The following GRIP1 variants were observed in gnomAD, a reference collection of about 807,000 sequenced individuals.
GRIP1 encodes the protein glutamate receptor interacting protein 1.
Under a neutral mutation model 129.9 loss-of-function variants are expected in GRIP1, and 45 were observed. The ratio of observed to expected loss-of-function variants is 0.35; its 90% CI spans 0.27 to 0.44. GRIP1 has a LOEUF of 0.44. GRIP1 is among the 20% of genes least tolerant of loss of function. The probability of loss-of-function intolerance (pLI) is 1.00; values close to 1 mark genes in which losing one functional copy is unlikely to be tolerated. For missense variants in GRIP1, 1,196 were observed against 1,396.8 expected, an observed-to-expected ratio of 0.86 and a Z score of 2.29; for synonymous variants, 530 against 520.8, an observed-to-expected ratio of 1.02 and a Z score of -0.24.
intron 1 of GRIP1, among the ~76,000 whole-genome samples, chr12:66,787,492 A>G (rs2136831338): frequency 6.6e-6 from 1 of 152,266 alleles, no homozygotes; most frequent in East Asian, 1.9e-4. Context: ...GCAAATTCAT[A>G]TGCTGAAATC....
intron 5 of GRIP1, among the ~76,000 whole-genome samples, chr12:66,521,105 A>G (rs745808314): frequency 1.3e-5 from 2 of 152,196 alleles, no homozygotes; most frequent in East Asian, 1.9e-4. Context: ...AAACCTCTCA[A>G]TGAGTTCCTA....
At chr12:66,449,686 A>G (rs1319270398) in intron 11 of GRIP1, among the ~76,000 whole-genome samples, 1 of 152,192 alleles carries the variant, frequency 6.6e-6, no homozygotes, top group Non-Finnish European at 1.5e-5. Context: ...AATTTTTGCT[A>G]TCAGTGGCAC....
intron 1 of GRIP1, among the ~76,000 whole-genome samples, chr12:66,987,552 G>C (rs753701870): frequency 2.0e-5 from 3 of 152,192 alleles, no homozygotes; most frequent in Non-Finnish European, 2.9e-5. Flanking sequence ...TAAAGGAACA[G>C]AGATATGTCT....
chr12:66,781,584 T>C (rs2038161792), intron 1 of GRIP1, among the ~76,000 whole-genome samples: 1 of 152,166 alleles, frequency 6.6e-6, no homozygotes, highest in South Asian at 2.1e-4. Flanking sequence ...AATTTTAGAA[T>C]TTTTTTCATC....
chr12:66,414,178 C>A (rs1165081332), intron 15 of GRIP1, among the ~76,000 whole-genome samples: 3 of 151,944 alleles, frequency 2.0e-5, no homozygotes, highest in Non-Finnish European at 4.4e-5. Flanking sequence ...ATGACATGAT[C>A]CTATATCTAG....
intron 1 of GRIP1, among the ~76,000 whole-genome samples, chr12:66,657,245 GAGA>G (rs1420246712): frequency 1.3e-5 from 2 of 151,850 alleles, no homozygotes; most frequent in Non-Finnish European, 2.9e-5. Flanking sequence ...AGATGATGAT[GAGA>G]AGTAGCTGTC....
chr12:66,537,985 C>G (rs2061656730), intron 4 of GRIP1, among the ~76,000 whole-genome samples: 1 of 152,138 alleles, frequency 6.6e-6, no homozygotes, highest in Non-Finnish European at 1.5e-5. Context: ...TCAGTTACCT[C>G]CAATTAACTG....
chr12:66,938,927 C>G (rs2137437527), intron 1 of GRIP1, among the ~76,000 whole-genome samples: 1 of 151,966 alleles, frequency 6.6e-6, no homozygotes, highest in South Asian at 2.1e-4. Context: ...ATTGCACTCC[C>G]ACCTGGGCAA....
intron 1 of GRIP1, among the ~76,000 whole-genome samples, chr12:66,826,369 T>G (rs2039413496): frequency 6.6e-6 from 1 of 151,946 alleles, no homozygotes; most frequent in Middle Eastern, 3.2e-3. Context: ...GGTTGATGGG[T>G]GCAGCAAACC....
chr12:66,720,226 T>C (rs947541319), intron 1 of GRIP1, among the ~76,000 whole-genome samples: 2 of 152,180 alleles, frequency 1.3e-5, no homozygotes, highest in Non-Finnish European at 2.9e-5. Context: ...TACACTGTAG[T>C]CTATTAAGTG....
chr12:67,012,484 C>A (rs1034547395), intron 1 of GRIP1, among the ~76,000 whole-genome samples: 1 of 152,116 alleles, frequency 6.6e-6, no homozygotes, highest in Non-Finnish European at 1.5e-5. Context: ...GCCTTCCAAT[C>A]TTAGGTTTCT....
chr12:66,476,265 G>A (rs2059606749), intron 7 of GRIP1, among the ~76,000 whole-genome samples: 1 of 152,168 alleles, frequency 6.6e-6, no homozygotes, highest in African/African-American at 2.4e-5. Flanking sequence ...AGAAAATCTA[G>A]AAGAAATCCA....
At chr12:66,437,086 T>C (rs2058332661) in intron 13 of GRIP1, among the ~76,000 whole-genome samples, 1 of 152,108 alleles carries the variant, frequency 6.6e-6, no homozygotes. Context: ...ATAGAGGAAT[T>C]TGTCTCTGAG....
intron 1 of GRIP1, among the ~76,000 whole-genome samples, chr12:67,019,307 G>A (rs147517036): frequency 1.3e-5 from 2 of 152,174 alleles, no homozygotes; most frequent in Non-Finnish European, 2.9e-5. Context: ...GACCTCAGGA[G>A]GCCTGCATGG....
chr12:66,679,244 C>T (rs1209371522), upstream of GRIP1: 2 of 763,544 alleles, frequency 2.6e-6, no homozygotes. Context: ...AAATCTAACG[C>T]TAAGCACTGA....
chr12:66,527,703 C>G (rs1275491257), intron 5 of GRIP1, among the ~76,000 whole-genome samples: 1 of 151,860 alleles, frequency 6.6e-6, no homozygotes, highest in Non-Finnish European at 1.5e-5. Context: ...AAATTTCTGA[C>G]TGTGGAAAAC....
At chr12:66,842,801 T>C (rs1393737044) in intron 1 of GRIP1, among the ~76,000 whole-genome samples, 1 of 152,116 alleles carries the variant, frequency 6.6e-6, no homozygotes, top group South Asian at 2.1e-4. Flanking sequence ...TTTTTGAGTT[T>C]AGGGTCAAAG....
At chr12:66,782,282 T>A (rs2038186665) in intron 1 of GRIP1, among the ~76,000 whole-genome samples, 1 of 152,160 alleles carries the variant, frequency 6.6e-6, no homozygotes, top group Non-Finnish European at 1.5e-5. Context: ...GAGATCGGAT[T>A]TTCAAGCCCT....
In GRIP1 at chr12:66,394,148, T is replaced by C. The variant is rs761768605; in HGVS notation, c.2129+60A>G. 4.0e-5 allele frequency: 58 copies of C among 1,463,298 alleles called. No individual in the cohort carries two copies. The African/African-American group carries it at 6.4e-4, about 16-fold the overall frequency. The allele number at this position is 1,463,298 out of a possible 1,614,324, so 90.6% of individuals were successfully genotyped here. On this transcript the variant is annotated intron_variant, in intron 17 of 24. Coordinates refer to ENST00000359742, the MANE Select transcript of GRIP1 (RefSeq NM_001366722.1). ...GAGAGAGGAGCATGTTTTTATGTGG[T>C]TGTGAGGAAGGAAGCCCGTCTCAGA...
Sources: gnomAD v4.1 joint callset for allele counts (sites outside exome capture counted in the v4.1 genomes callset) on GRCh38, gnomAD v4.1.1 for gene constraint, MANE v1.5 for transcripts, NCBI Gene and HGNC (gene_info 2026-07-23, HGNC 2026-07-21) for gene names.